Variants in GLI3 observed in about 807,000 individuals in gnomAD.
The protein encoded by GLI3 is GLI family zinc finger 3.
Under a neutral mutation model 100.8 loss-of-function variants are expected in GLI3, and 20 were observed. That is an observed-to-expected ratio of 0.20 (90% CI 0.14 to 0.29). GLI3 has a LOEUF of 0.29. GLI3 is among the 10% of genes least tolerant of loss of function. The pLI is 1.00. For synonymous variants in GLI3, 938 were observed against 860.5 expected (o/e 1.09, Z -1.58); for missense variants, 2,040 against 2,128.5 (o/e 0.96, Z 0.82).
At chr7:42,011,630 T>C (rs1460137938) in intron 10 of GLI3, among the ~76,000 whole-genome samples, 1 of 151,998 alleles carries the variant, frequency 6.6e-6, no homozygotes, top group Non-Finnish European at 1.5e-5. Context: ...TTTGAAAACA[T>C]GGTAAGTGCA....
intron 2 of GLI3, among the ~76,000 whole-genome samples, chr7:42,208,936 T>G (rs1339063883): frequency 6.6e-6 from 1 of 152,252 alleles, no homozygotes; most frequent in East Asian, 1.9e-4. Flanking sequence ...AAGGATCAAC[T>G]GCTGTTGTGG....
intron 3 of GLI3, among the ~76,000 whole-genome samples, chr7:42,077,653 C>T (rs965889584): frequency 2.6e-5 from 4 of 151,786 alleles, no homozygotes; most frequent in Non-Finnish European, 4.4e-5. Flanking sequence ...TGGGTGTGTG[C>T]TCTTCCTTAA....
At chr7:42,188,095 T>C (rs1488118697) in intron 2 of GLI3, among the ~76,000 whole-genome samples, 1 of 149,492 alleles carries the variant, frequency 6.7e-6, no homozygotes, top group Admixed American at 6.7e-5. Context: ...GAGTGATGCA[T>C]CTACAAGCCA....
At chr7:42,143,969 C>T (rs970597182) in intron 3 of GLI3, among the ~76,000 whole-genome samples, 3 of 152,108 alleles carry the variant, frequency 2.0e-5, no homozygotes, top group South Asian at 2.1e-4. Flanking sequence ...CTAGTGAATC[C>T]GAGAAACTTT....
At chr7:42,243,751 A>C (rs112847454) in intron 1 of GLI3, among the ~76,000 whole-genome samples, 1 of 152,302 alleles carries the variant, frequency 6.6e-6, no homozygotes, top group East Asian at 1.9e-4. Context: ...ACACACAGTA[A>C]GTAGGATGCT....
At chr7:42,243,234 G>A (rs1788942534) in intron 1 of GLI3, among the ~76,000 whole-genome samples, 1 of 152,170 alleles carries the variant, frequency 6.6e-6, no homozygotes, top group Non-Finnish European at 1.5e-5. Context: ...CAATAGCGTG[G>A]AGCCAAGGGC....
chr7:42,249,695 C>A (rs1392817700), intron 1 of GLI3, among the ~76,000 whole-genome samples: 1 of 152,148 alleles, frequency 6.6e-6, no homozygotes. Context: ...ACTAACAGAT[C>A]TTTAAATGTT....
rs191210719 is a variant in GLI3 at position 42,219,979 on chromosome 7, G to A, written c.124+3151C>T. Among the ~76,000 whole-genome samples, 82 of 150,438 alleles carry A rather than the reference G, an allele frequency of 5.5e-4. 2 individuals carry two copies. In the South Asian group the frequency reaches 0.011, roughly 20 times the overall value. ...CGCCATTCTCCTGCCTCAGCCTCCC[G>A]AGTGGCTGGGACTACAGGCACCCGC... On this transcript the variant is annotated intron_variant, in intron 2 of 14. Transcript: ENST00000395925.
chr7:42,039,965 G>A lies in GLI3; in HGVS notation c.1028+73C>T, dbSNP rs1784098021. On this transcript the variant is annotated intron_variant, in intron 7 of 14. Transcript: ENST00000395925. ...CTCATAGGCAGTTGGTACTGAAAATGCATCACTACAGGTGCAAACAAGTGC... is the reference window on the plus strand; with the variant it reads ...CTCATAGGCAGTTGGTACTGAAAATACATCACTACAGGTGCAAACAAGTGC... 4.5e-6 allele frequency: 5 copies of A among 1,098,958 alleles called. No individual in the cohort carries two copies. In the Admixed American group the frequency reaches 8.4e-5, roughly 19 times the overall value. 68.1% of individuals were successfully genotyped at this position (1,098,958 alleles called of 1,614,324 possible). A position where few individuals can be genotyped will look rare whatever the true frequency, so the allele number is the denominator to read the frequency against.
At chr7:42,141,029 A>G (rs747167317) in intron 3 of GLI3, among the ~76,000 whole-genome samples, 3 of 152,194 alleles carry the variant, frequency 2.0e-5, no homozygotes, top group Non-Finnish European at 2.9e-5. Flanking sequence ...TAGAAAAGAT[A>G]AATAATTACA....
chr7:42,239,570 A>G (rs914307913), upstream of GLI3, among the ~76,000 whole-genome samples: 8 of 152,242 alleles, frequency 5.3e-5, no homozygotes, highest in African/African-American at 1.9e-4. Context: ...AATGGCAAAA[A>G]ATAAATACAA....
intron 3 of GLI3, 95 bp downstream of exon 3, chr7:42,148,131 G>T: frequency 8.5e-7 from 1 of 1,182,000 alleles, no homozygotes; most frequent in Non-Finnish European, 1.1e-6. Context: ...ACTTCATAAA[G>T]CGCGCACACA....
intron 3 of GLI3, among the ~76,000 whole-genome samples, chr7:42,089,686 C>T (rs1374828506): frequency 3.3e-5 from 5 of 152,186 alleles, no homozygotes; most frequent in Admixed American, 6.5e-5. Context: ...CATTTAAAGA[C>T]GTATTTTCTA....
intron 3 of GLI3, 133 bp from the exon 4 acceptor site, chr7:42,076,990 T>C: frequency 1.4e-6 from 1 of 710,518 alleles, no homozygotes; most frequent in Non-Finnish European, 2.6e-6. Flanking sequence ...AAAGAACTCT[T>C]TAAGGTTAGT....
chr7:41,995,611 G>A (rs1788103118), intron 10 of GLI3, among the ~76,000 whole-genome samples: 1 of 152,126 alleles, frequency 6.6e-6, no homozygotes, highest in Non-Finnish European at 1.5e-5. Context: ...CAATTTCAAG[G>A]TCTAAAAGTT....
At chr7:42,147,286 A>G (rs1026493103) in intron 3 of GLI3, among the ~76,000 whole-genome samples, 1 of 152,186 alleles carries the variant, frequency 6.6e-6, no homozygotes, top group Non-Finnish European at 1.5e-5. Context: ...TGTCCTCACT[A>G]ATCAGTCATC....
chr7:42,165,007 A>T (rs1252172607), intron 2 of GLI3, among the ~76,000 whole-genome samples: 1 of 149,676 alleles, frequency 6.7e-6, no homozygotes, highest in Non-Finnish European at 1.5e-5. Context: ...AGGAGCAGCG[A>T]CACGTGCCTG....
At chr7:42,200,283 C>T (rs1788011643) in intron 2 of GLI3, among the ~76,000 whole-genome samples, 1 of 152,162 alleles carries the variant, frequency 6.6e-6, no homozygotes, top group African/African-American at 2.4e-5. Flanking sequence ...CCAAGCAGCC[C>T]ACTTTATCCT....
rs1491346758 is a variant in GLI3 at position 41,964,081 on chromosome 7, T to TTTA, written c.*248_*249insTAA. 1.4e-5 allele frequency: 4 copies of TTTA among 279,550 alleles called. No individual in the cohort carries two copies. The South Asian group carries it at 2.0e-4, about 14-fold the overall frequency. The allele number at this position is 279,550 out of a possible 1,614,324, so 17.3% of individuals were successfully genotyped here. A position where few individuals can be genotyped will look rare whatever the true frequency, so the allele number is the denominator to read the frequency against. On this transcript the variant is annotated 3_prime_UTR_variant, in exon 15 of 15. Coordinates refer to ENST00000395925, the MANE Select transcript of GLI3 (RefSeq NM_000168.6). The stretch of plus-strand genomic sequence containing the variant: ...GGCTTACAGTTTTTTTTTTTTTTTT[T>TTTA]AAAAAGAGGGTGGTTTGAGTGTAAC...
Sources: gnomAD v4.1 joint callset for allele counts (sites outside exome capture counted in the v4.1 genomes callset) on GRCh38, gnomAD v4.1.1 for gene constraint, MANE v1.5 for transcripts, NCBI Gene and HGNC (gene_info 2026-07-23, HGNC 2026-07-21) for gene names.